MKKS: variants seen among roughly 807,000 people sequenced by gnomAD.
The protein encoded by MKKS is MKKS centrosomal shuttling protein.
Under a neutral mutation model 33.2 loss-of-function variants are expected in MKKS, and 29 were observed. The ratio of observed to expected loss-of-function variants is 0.87; its 90% confidence interval spans 0.65 to 1.19. MKKS has a LOEUF of 1.19. Ranked by LOEUF, MKKS falls within the 50% of genes most tolerant of loss-of-function variation. MKKS has a pLI of 0.00. For missense variants in MKKS, 661 were observed against 662.3 expected (o/e 1.00, Z 0.02); for synonymous variants, 260 against 244.0 (o/e 1.07, Z -0.61).
chr20:10,433,423 T>C (rs1347321303), intron 1 of MKKS, among the ~76,000 whole-genome samples: 1 of 152,228 alleles, frequency 6.6e-6, no homozygotes, highest in African/African-American at 2.4e-5. Flanking sequence ...CAAGTCCCTC[T>C]TGGTCACTGC....
chr20:10,408,424 T>C (rs776800916), intron 4 of MKKS, among the ~76,000 whole-genome samples: 6 of 152,182 alleles, frequency 3.9e-5, no homozygotes, highest in African/African-American at 7.2e-5. Context: ...TAGTAAATAG[T>C]AGAAATAATA....
chr20:10,417,028 G>A lies in MKKS; in HGVS notation c.-417-3097C>T, dbSNP rs74781350. ...GTTACAGCAATGATAATGAATAGTC[G>A]CTAATAATTATTAAGTAAAAGATCA... On this transcript the variant is annotated intron_variant, in intron 2 of 5. Coordinates refer to ENST00000347364, the MANE Select transcript of MKKS (RefSeq NM_170784.3). 4.7e-4 allele frequency among the ~76,000 whole-genome samples: 72 copies of A among 152,020 alleles called. No homozygotes were observed. The East Asian group carries it at 0.013, about 27-fold the overall frequency.
chr20:10,415,171 A>C (rs2064928753), intron 2 of MKKS, among the ~76,000 whole-genome samples: 1 of 152,230 alleles, frequency 6.6e-6, no homozygotes, highest in African/African-American at 2.4e-5. Flanking sequence ...TAAAAACGTT[A>C]GATCATAGAT....
rs763720494 is a variant in MKKS at position 10,412,570 on chromosome 20, T to C, written c.945A>G (p.Arg315=). The change falls in exon 3 of 6, where the codon AGA becomes AGG. Residue 315 remains arginine, a synonymous_variant. Coordinates refer to ENST00000347364, the MANE Select transcript of MKKS (RefSeq NM_170784.3). ...GGGGTTCCATCAGAGTCACTCCAAT[T>C]CTGTCTATGGCAATAATACGATGCA... ...LNMHRIIAID[R]IGVTLMEPLT... 11 of 1,613,978 alleles carry C rather than the reference T, an allele frequency of 6.8e-6. No individual in the cohort carries two copies. The highest frequency in any genetic ancestry group is 2.7e-5 in the African/African-American group (2 of 74,920).
chr20:10,413,243 C>T lies in MKKS; in HGVS notation c.272G>A (p.Cys91Tyr). 6.2e-7 allele frequency: 1 copy of T among 1,614,198 alleles called. No individual in the cohort carries two copies. Among genetic ancestry groups the T allele is most frequent in the Non-Finnish European group, 8.5e-7 (1 of 1,180,046 alleles). ...IQNHVSSFSD[C>Y]GLFTAILCCN... ...GCAAAGAATAGCTGTGAATAAGCCA[C>T]AATCACTGAAGCTTGACACATGATT... is the stretch of plus-strand genomic sequence containing the variant. The change falls in exon 3 of 6, where the codon TGT (cysteine) becomes TAT (tyrosine). Residue 91 changes from cysteine to tyrosine, a missense_variant. Coordinates refer to ENST00000347364, the MANE Select transcript of MKKS (RefSeq NM_170784.3).
chr20:10,415,365 GA>G (rs887285677), intron 2 of MKKS, among the ~76,000 whole-genome samples: 23 of 152,160 alleles, frequency 1.5e-4, no homozygotes, highest in African/African-American at 5.3e-4. Context: ...TTGATTTGAA[GA>G]TGTGCAAAGA....
chr20:10,428,214 C>CAA (rs2065029375), intron 1 of MKKS, among the ~76,000 whole-genome samples: 1 of 152,186 alleles, frequency 6.6e-6, no homozygotes, highest in Admixed American at 6.5e-5. Flanking sequence ...GTCTGAGAAT[C>CAA]CTGTCCCCTT....
chr20:10,433,591 G>C (rs2122296239), intron 1 of MKKS, among the ~76,000 whole-genome samples: 1 of 152,344 alleles, frequency 6.6e-6, no homozygotes, highest in South Asian at 2.1e-4. Flanking sequence ...CATGACCTTA[G>C]AGGGTCATCC....
At chr20:10,418,832 G>C (rs1459250900) in intron 2 of MKKS, among the ~76,000 whole-genome samples, 1 of 151,982 alleles carries the variant, frequency 6.6e-6, no homozygotes, top group African/African-American at 2.4e-5. Context: ...TTACTAGTCT[G>C]AAAGACTATA....
rs2064913635 is a variant in MKKS, at chr20:10,413,528, G to T, written c.-14C>A. The stretch of plus-strand genomic sequence containing the variant: ...CAAACGAGACATCTTACTTCAGGTG[G>T]TAACTAGTGAAGACCGTTTTTATTT... On this transcript the variant is annotated 5_prime_UTR_variant, in exon 3 of 6. Transcript: ENST00000347364. The T allele has an allele frequency of 6.2e-7, 1 of 1,613,880 alleles. No individual in the cohort carries two copies. The highest frequency in any genetic ancestry group is 8.5e-7 in the Non-Finnish European group (1 of 1,179,958).
rs543111874 is a variant in MKKS at position 10,404,044 on chromosome 20, A to C, written c.*1203T>G. 6.6e-6 allele frequency: 1 copy of C among 152,356 alleles called. No individual in the cohort carries two copies. Among genetic ancestry groups the C allele is most frequent in the South Asian group, 2.1e-4 (1 of 4,828 alleles). The allele number at this position is 152,356 out of a possible 1,614,324, so 9.4% of individuals were successfully genotyped here. On this transcript the variant is annotated 3_prime_UTR_variant, in exon 6 of 6. Coordinates refer to ENST00000347364, the MANE Select transcript of MKKS (RefSeq NM_170784.3). ...GTTGGTTTGTTTCCCAAAAATTTCC[A>C]AAATATTTTCCTAAAGTTTAATACA...
intron 1 of MKKS, among the ~76,000 whole-genome samples, chr20:10,431,514 T>C (rs976383600): frequency 1.4e-5 from 2 of 147,318 alleles, no homozygotes; most frequent in East Asian, 2.0e-4. Context: ...AACTCAATGC[T>C]GTATAGGGTC....
At chr20:10,425,457 T>C (rs1291741363) in intron 1 of MKKS, among the ~76,000 whole-genome samples, 1 of 152,244 alleles carries the variant, frequency 6.6e-6, no homozygotes, top group Non-Finnish European at 1.5e-5. Flanking sequence ...AAAAATTAAC[T>C]CATTTTTCAA....
At chr20:10,411,663 A>C (rs1418047839) in intron 3 of MKKS, among the ~76,000 whole-genome samples, 3 of 152,208 alleles carry the variant, frequency 2.0e-5, no homozygotes, top group African/African-American at 7.2e-5. Flanking sequence ...CCTTTTTGAT[A>C]ATTTATACTA....
At chr20:10,431,473 A>G (rs1294676905) in intron 1 of MKKS, among the ~76,000 whole-genome samples, 3 of 152,110 alleles carry the variant, frequency 2.0e-5, no homozygotes, top group African/African-American at 7.2e-5. Context: ...TACAGGTTTG[A>G]GAAGATAATG....
At chr20:10,407,821 T>C in intron 4 of MKKS, 95 bp from the exon 5 acceptor site, 4 of 951,540 alleles carry the variant, frequency 4.2e-6, no homozygotes, top group Non-Finnish European at 6.6e-6. Flanking sequence ...ATACAGAGAG[T>C]GTGATTTTAA....
At chr20:10,431,808 A>T (rs1392531438) in intron 1 of MKKS, 1 of 152,112 alleles carries the variant, frequency 6.6e-6, no homozygotes, top group Non-Finnish European at 1.5e-5. Context: ...AAAAGTAGAG[A>T]ATCTTGTCCC....
rs1436343312 is a variant in MKKS at position 10,401,098 on chromosome 20, A to G, written c.*4149T>C. On this transcript the variant is annotated 3_prime_UTR_variant, in exon 6 of 6. Coordinates refer to ENST00000347364, the MANE Select transcript of MKKS (RefSeq NM_170784.3). Reference sequence around the variant, plus strand: ...TTGTCAAGCTGTTTTATTTCCCTCTAAATTCACACTTCATTACAGGTAATA... The same window carrying G: ...TTGTCAAGCTGTTTTATTTCCCTCTGAATTCACACTTCATTACAGGTAATA... 6.6e-6 allele frequency: 1 copy of G among 152,180 alleles called. No homozygotes were observed. 9.4% of individuals were successfully genotyped at this position (152,180 alleles called of 1,614,324 possible).
chr20:10,429,150 A>G (rs2065036806), intron 1 of MKKS, among the ~76,000 whole-genome samples: 1 of 152,072 alleles, frequency 6.6e-6, no homozygotes, highest in Non-Finnish European at 1.5e-5. Flanking sequence ...TTCCCATTCC[A>G]TCTTCAAACC....
Sources: allele counts gnomAD v4.1 joint callset (sites outside exome capture counted in the v4.1 genomes callset), GRCh38; gene constraint gnomAD v4.1.1; transcripts MANE v1.5; gene names NCBI Gene and HGNC (gene_info 2026-07-23, HGNC 2026-07-21).